The following PLPPR2 variants were observed in gnomAD, a reference collection of about 807,000 sequenced individuals.
The protein encoded by PLPPR2 is phospholipid phosphatase-related protein type 2.
In PLPPR2, 11 loss-of-function variants were observed where a neutral mutation model predicts 40.3. The ratio of observed to expected loss-of-function variants is 0.27; its 90% CI spans 0.17 to 0.45. The LOEUF (loss-of-function observed/expected upper bound fraction) is 0.45, where lower values mean the gene tolerates loss of function less well. PLPPR2 is among the 20% of genes least tolerant of loss of function. The probability of loss-of-function intolerance (pLI) is 1.00; values close to 1 mark genes in which losing one functional copy is unlikely to be tolerated. For synonymous variants in PLPPR2, 260 were observed against 290.8 expected (o/e 0.89, Z 1.08); for missense variants, 497 against 640.7 (o/e 0.78, Z 2.42).
intron 3 of PLPPR2, among the ~76,000 whole-genome samples, chr19:11,358,257 T>C (rs1416575476): frequency 1.3e-5 from 2 of 152,144 alleles, no homozygotes; most frequent in East Asian, 3.9e-4. Flanking sequence ...GATTTCAACA[T>C]GTTGGCCAGG....
In PLPPR2 at chr19:11,363,660, G is replaced by A; in HGVS notation, c.841-53G>A. On this transcript the variant is annotated intron_variant, in intron 7 of 9. Coordinates refer to ENST00000688289, the MANE Select transcript of PLPPR2 (RefSeq NM_001393892.1). The surrounding 1 kb of genome is among the most constrained non-coding windows in gnomAD (Gnocchi z 4.8). ...GAAAAATGGGGATGGTATTTACATG[G>A]CTCCTATGTGACTTGCCCCAGGCCT... 2.6e-6 allele frequency: 4 copies of A among 1,555,366 alleles called. No homozygotes were observed. The Admixed American group carries it at 7.8e-5, about 30-fold the overall frequency.
At position 11,363,610 on chromosome 19, in the gene PLPPR2, A is replaced by T; in HGVS notation, c.841-103A>T. ...ATACTATGCATTAGCTGTTTTTGAA[A>T]ACCGGAGCCTCACTTTCCTTATCTG... On this transcript the variant is annotated intron_variant, in intron 7 of 9. Transcript: ENST00000688289. The surrounding 1 kb of genome is among the most constrained non-coding windows in gnomAD (Gnocchi z 4.8). 2 of 1,375,738 alleles carry T rather than the reference A, an allele frequency of 1.5e-6. No homozygotes were observed. Among genetic ancestry groups the T allele is most frequent in the Non-Finnish European group, 1.9e-6 (2 of 1,036,868 alleles). The allele number at this position is 1,375,738 out of a possible 1,614,324, so 85.2% of individuals were successfully genotyped here. A position where few individuals can be genotyped will look rare whatever the true frequency, so the allele number is the denominator to read the frequency against.
intron 1 of PLPPR2, among the ~76,000 whole-genome samples, chr19:11,355,882 G>GGTGTGT (rs138201602): frequency 6.6e-6 from 1 of 150,744 alleles, no homozygotes; most frequent in Non-Finnish European, 1.5e-5. Flanking sequence ...GAGGTCCGCG[G>GGTGTGT]GTGTGTGTGT....
rs1416308489 is a variant in PLPPR2 at position 11,363,328 on chromosome 19, TG to T, written c.841-383del. Among the ~76,000 whole-genome samples, 1 of 151,078 alleles carries T rather than the reference TG, an allele frequency of 6.6e-6. No individual in the cohort carries two copies. The highest frequency in any genetic ancestry group is 1.5e-5 in the Non-Finnish European group (1 of 67,828). On this transcript the variant is annotated intron_variant, in intron 7 of 9. Transcript: ENST00000688289. This position sits in a 1 kb window ranked among gnomAD's most constrained non-coding sequence, Gnocchi z 4.8. ...AGCTGGGAATGGTGGTGCACACCTG[TG>T]GTCCCAGCTACTCAGGAGGCTGAGG...
At position 11,362,376 on chromosome 19, in the gene PLPPR2, T is replaced by G; in HGVS notation, c.664-137T>G. 1.2e-6 allele frequency: 1 copy of G among 848,824 alleles called. No homozygotes were observed. The highest frequency in any genetic ancestry group is 1.7e-6 in the Non-Finnish European group (1 of 572,308). The allele number at this position is 848,824 out of a possible 1,614,324, so 52.6% of individuals were successfully genotyped here. ...CCTGGAAAAGCCCACTGGGAGCCCA[T>G]GACTCCAACCCTGGAGCCCCTGGCC... On this transcript the variant is annotated intron_variant, in intron 6 of 9. Transcript: ENST00000688289. The surrounding 1 kb of genome is among the most constrained non-coding windows in gnomAD (Gnocchi z 5.3).
At position 11,359,549 on chromosome 19, in the gene PLPPR2, T is replaced by C. The variant is rs1171741204; in HGVS notation, c.84T>C (p.Ile28=). ...GGTGGCAGTCGGTGCTGCTGGGCAT[T>C]GTGATCCTGCTTGCTTACCGCCTGG... ...FVFVESVLLG[I]VILLAYRLEF... is the part of the protein sequence containing the mutation. The change falls in exon 4 of 10, where the codon ATT becomes ATC. Residue 28 remains isoleucine (I), a synonymous_variant. Transcript: ENST00000688289. The surrounding 1 kb of genome is among the most constrained non-coding windows in gnomAD (Gnocchi z 5.6). The C allele has an allele frequency of 1.3e-6, 2 of 1,573,492 alleles. No individual in the cohort carries two copies. Among genetic ancestry groups the C allele is most frequent in the African/African-American group, 2.7e-5 (2 of 74,196 alleles).
chr19:11,358,541 A>C (rs1967955473), intron 3 of PLPPR2, among the ~76,000 whole-genome samples: 1 of 150,002 alleles, frequency 6.7e-6, no homozygotes, highest in Non-Finnish European at 1.5e-5. Flanking sequence ...CTTGGCCCTA[A>C]TCTCACTCTC....
chr19:11,363,912 G>T lies in PLPPR2; in HGVS notation c.963+77G>T. 6.6e-7 allele frequency: 1 copy of T among 1,513,306 alleles called. No individual in the cohort carries two copies. The highest frequency in any genetic ancestry group is 1.4e-5 in the African/African-American group (1 of 72,286). 93.7% of individuals were successfully genotyped at this position (1,513,306 alleles called of 1,614,324 possible). A position where few individuals can be genotyped will look rare whatever the true frequency, so the allele number is the denominator to read the frequency against. ...GGCCAAGGAGACAGGAAGGAAGTCAGGCAAGAGGTGGGGGTCTCAGAACCA... is the reference window on the plus strand; with the variant it reads ...GGCCAAGGAGACAGGAAGGAAGTCATGCAAGAGGTGGGGGTCTCAGAACCA... On this transcript the variant is annotated intron_variant, in intron 8 of 9. Transcript: ENST00000688289. The surrounding 1 kb of genome is among the most constrained non-coding windows in gnomAD (Gnocchi z 4.8).
intron 3 of PLPPR2, 139 bp downstream of exon 3, chr19:11,357,878 C>T: frequency 1.5e-6 from 1 of 662,568 alleles, no homozygotes; most frequent in Non-Finnish European, 2.4e-6. Flanking sequence ...TGGTTATGAG[C>T]TTAGATTCAG....
intron 3 of PLPPR2, among the ~76,000 whole-genome samples, chr19:11,358,727 T>C (rs1599401613): frequency 6.6e-6 from 1 of 151,888 alleles, no homozygotes; most frequent in East Asian, 1.9e-4. Context: ...TCTCTTTCTT[T>C]CTTTTGTGAT....
In PLPPR2 at chr19:11,364,310, T is replaced by C; in HGVS notation, c.1016-37T>C. ...CTAGGCCTTTATGCTGCCTCCCGAG[T>C]TTTCTGATCCCCTGATATCTGGCTT... On this transcript the variant is annotated intron_variant, in intron 9 of 9. Transcript: ENST00000688289. The surrounding 1 kb of genome is among the most constrained non-coding windows in gnomAD (Gnocchi z 5.8). 6.6e-7 allele frequency: 1 copy of C among 1,520,438 alleles called. No individual in the cohort carries two copies. Among genetic ancestry groups the C allele is most frequent in the Non-Finnish European group, 8.8e-7 (1 of 1,133,882 alleles). The allele number at this position is 1,520,438 out of a possible 1,614,324, so 94.2% of individuals were successfully genotyped here. A position where few individuals can be genotyped will look rare whatever the true frequency, so the allele number is the denominator to read the frequency against.
Position 11,364,321 on chromosome 19 carries a change from C to T in PLPPR2, c.1016-26C>T, listed in dbSNP as rs903394440. The T allele has an allele frequency of 1.3e-6, 2 of 1,520,704 alleles. No homozygotes were observed. The highest frequency in any genetic ancestry group is 4.6e-5 in the East Asian group (2 of 43,870). 94.2% of individuals were successfully genotyped at this position (1,520,704 alleles called of 1,614,324 possible). The stretch of plus-strand genomic sequence containing the variant: ...TGCTGCCTCCCGAGTTTTCTGATCC[C>T]CTGATATCTGGCTTCTGACCACCAG... On this transcript the variant is annotated intron_variant, in intron 9 of 9. Coordinates refer to ENST00000688289, the MANE Select transcript of PLPPR2 (RefSeq NM_001393892.1). This position sits in a 1 kb window ranked among gnomAD's most constrained non-coding sequence, Gnocchi z 5.8.
Position 11,364,258 on chromosome 19 carries a change from G to A in PLPPR2, c.1015+46G>A. ...GGGCTAAACAGGGGGACTTCCAGGTGGGCAGCCACTGCCCCAGAGGTCTCA... is the reference window on the plus strand; with the variant it reads ...GGGCTAAACAGGGGGACTTCCAGGTAGGCAGCCACTGCCCCAGAGGTCTCA... On this transcript the variant is annotated intron_variant, in intron 9 of 9. Transcript: ENST00000688289. The surrounding 1 kb of genome is among the most constrained non-coding windows in gnomAD (Gnocchi z 5.8). 6.3e-7 allele frequency: 1 copy of A among 1,585,902 alleles called. No individual in the cohort carries two copies. The highest frequency in any genetic ancestry group is 1.4e-5 in the African/African-American group (1 of 74,028).
At chr19:11,358,179 C>G (rs1351916207) in intron 3 of PLPPR2, among the ~76,000 whole-genome samples, 1 of 152,038 alleles carries the variant, frequency 6.6e-6, no homozygotes, top group African/African-American at 2.4e-5. Flanking sequence ...CTCAGCGTCC[C>G]GAGTAGCTGA....
chr19:11,362,317 TGACCCCCCCCC>T lies in PLPPR2; in HGVS notation c.664-195_664-185del. On this transcript the variant is annotated intron_variant, in intron 6 of 9. Transcript: ENST00000688289. This position sits in a 1 kb window ranked among gnomAD's most constrained non-coding sequence, Gnocchi z 5.3. Reference sequence around the variant, plus strand: ...CACGAGACTCCAAGACCTCAATCCCTGACCCCCCCCCCTTTGCCTTTTTGGTCACGCTCCCT... The same window carrying T: ...CACGAGACTCCAAGACCTCAATCCCTCTTTGCCTTTTTGGTCACGCTCCCT... 1 of 581,478 alleles carries T rather than the reference TGACCCCCCCCC, an allele frequency of 1.7e-6. No homozygotes were observed. The highest frequency in any genetic ancestry group is 3.0e-5 in the Admixed American group (1 of 33,146). 36.0% of individuals were successfully genotyped at this position (581,478 alleles called of 1,614,324 possible).
Position 11,364,112 on chromosome 19 carries a change from G to C in PLPPR2, c.964-49G>C. 1 of 1,568,606 alleles carries C rather than the reference G, an allele frequency of 6.4e-7. No individual in the cohort carries two copies. The highest frequency in any genetic ancestry group is 1.2e-5 in the South Asian group (1 of 85,242). ...GATGAGCTCCTTGTGGCTGTGGCCG[G>C]TAGGGCCCAGGGGGCCACTAGCCCC... On this transcript the variant is annotated intron_variant, in intron 8 of 9. Coordinates refer to ENST00000688289, the MANE Select transcript of PLPPR2 (RefSeq NM_001393892.1). This position sits in a 1 kb window ranked among gnomAD's most constrained non-coding sequence, Gnocchi z 5.8.
At chr19:11,356,255 C>T (rs1439223105) in intron 1 of PLPPR2, among the ~76,000 whole-genome samples, 1 of 151,558 alleles carries the variant, frequency 6.6e-6, no homozygotes, top group Non-Finnish European at 1.5e-5. Flanking sequence ...GTGTGGCTGT[C>T]GCTGAGTGCC....
chr19:11,363,572 C>G lies in PLPPR2; in HGVS notation c.841-141C>G. 1 of 932,156 alleles carries G rather than the reference C, an allele frequency of 1.1e-6. No homozygotes were observed. The highest frequency in any genetic ancestry group is 2.4e-5 in the South Asian group (1 of 41,308). The allele number at this position is 932,156 out of a possible 1,614,324, so 57.7% of individuals were successfully genotyped here. On this transcript the variant is annotated intron_variant, in intron 7 of 9. Coordinates refer to ENST00000688289, the MANE Select transcript of PLPPR2 (RefSeq NM_001393892.1). The surrounding 1 kb of genome is among the most constrained non-coding windows in gnomAD (Gnocchi z 4.8). ...ACCTACCTCAGTAAAATGGAACCAA[C>G]AGTGCCTGGCACATACTATGCATTA...
At position 11,364,330 on chromosome 19, in the gene PLPPR2, T is replaced by C. The variant is rs1968133616; in HGVS notation, c.1016-17T>C. 6.6e-7 allele frequency: 1 copy of C among 1,519,226 alleles called. No homozygotes were observed. The highest frequency in any genetic ancestry group is 8.8e-7 in the Non-Finnish European group (1 of 1,133,790). 94.1% of individuals were successfully genotyped at this position (1,519,226 alleles called of 1,614,324 possible). On this transcript the variant is annotated splice_polypyrimidine_tract_variant and intron_variant, in intron 9 of 9. Coordinates refer to ENST00000688289, the MANE Select transcript of PLPPR2 (RefSeq NM_001393892.1). This position sits in a 1 kb window ranked among gnomAD's most constrained non-coding sequence, Gnocchi z 5.8. ...CCGAGTTTTCTGATCCCCTGATATC[T>C]GGCTTCTGACCACCAGAGTCGCAGA... is the stretch of plus-strand genomic sequence containing the variant.
Sources: gnomAD v4.1 joint callset for allele counts (sites outside exome capture counted in the v4.1 genomes callset) on GRCh38, gnomAD v4.1.1 for gene constraint, Gnocchi (gnomAD v3.1) non-coding constraint, MANE v1.5 for transcripts, NCBI Gene and HGNC (gene_info 2026-07-23, HGNC 2026-07-21) for gene names.